PPP4R3A: variants seen among roughly 807,000 people sequenced by gnomAD.
The protein encoded by PPP4R3A is protein phosphatase 4 regulatory subunit 3A, also known as serine/threonine-protein phosphatase 4 regulatory subunit 3A.
A neutral mutation model predicts 91.7 loss-of-function variants in PPP4R3A; 15 were observed. That is an observed-to-expected ratio of 0.16 (90% CI 0.11 to 0.25). PPP4R3A has a LOEUF of 0.25. PPP4R3A is among the 10% of genes least tolerant of loss of function. PPP4R3A has a pLI of 1.00. For synonymous variants in PPP4R3A, 377 were observed against 348.7 expected, an observed-to-expected ratio of 1.08 and a Z score of -0.91; for missense variants, 623 against 998.4, an observed-to-expected ratio of 0.62 and a Z score of 5.07.
chr14:91,503,144 G>A (rs977617690), intron 1 of PPP4R3A, among the ~76,000 whole-genome samples: 5 of 152,086 alleles, frequency 3.3e-5, no homozygotes, highest in Non-Finnish European at 7.4e-5. Flanking sequence ...TGTGCCACAT[G>A]CCCAGCTAAT....
chr14:91,470,098 AAAATT>A (rs1366271297), intron 10 of PPP4R3A, among the ~76,000 whole-genome samples: 26 of 152,262 alleles, frequency 1.7e-4, no homozygotes, highest in African/African-American at 4.6e-4. Flanking sequence ...CCAAAGGGCA[AAAATT>A]AAATTACCAC....
intron 10 of PPP4R3A, 83 bp from the exon 11 acceptor site, chr14:91,465,502 C>A: frequency 3.1e-6 from 4 of 1,279,948 alleles, no homozygotes; most frequent in African/African-American, 1.5e-5. Context: ...ACCATCAAAC[C>A]AAAAAAAACT....
intron 13 of PPP4R3A, 102 bp downstream of exon 13, chr14:91,461,947 G>A: frequency 7.1e-7 from 1 of 1,407,228 alleles, no homozygotes; most frequent in Non-Finnish European, 9.2e-7. Flanking sequence ...TAAACCGTAT[G>A]CCATCACACC....
chr14:91,476,974 A>G lies in PPP4R3A; in HGVS notation c.928T>C (p.Phe310Leu). The G allele has an allele frequency of 6.2e-7, 1 of 1,600,944 alleles. No individual in the cohort carries two copies. The highest frequency in any genetic ancestry group is 8.5e-7 in the Non-Finnish European group (1 of 1,172,466). Residue 310 changes from phenylalanine to leucine, a missense_variant, in exon 5 of 15, where the codon TTT (phenylalanine) becomes CTT (leucine). By Grantham distance (22) the Phe-to-Leu change is conservative (BLOSUM62 0). Transcript: ENST00000554943. Reference sequence around the variant, plus strand: ...AGTTGTGCAAACAAATCTGTCAGAAATTTTTCATCTTCCTGTGAAACAAAG... The same window carrying G: ...AGTTGTGCAAACAAATCTGTCAGAAGTTTTTCATCTTCCTGTGAAACAAAG... ...IVGMLQEDEK[F>L]LTDLFAQLTD...
At chr14:91,487,021 CG>C (rs1889932714) in intron 2 of PPP4R3A, among the ~76,000 whole-genome samples, 1 of 151,570 alleles carries the variant, frequency 6.6e-6, no homozygotes, top group Admixed American at 6.6e-5. Flanking sequence ...CCAAGGCAGG[CG>C]GATCACCTGA....
At chr14:91,479,788 C>T (rs10146333) in intron 4 of PPP4R3A, among the ~76,000 whole-genome samples, 74,156 of 152,018 alleles carry the variant, frequency 0.49, 18,414 homozygotes, top group Admixed American at 0.53. Context: ...GTGATCCACC[C>T]GCCTTGGCCT....
intron 1 of PPP4R3A, among the ~76,000 whole-genome samples, chr14:91,504,119 C>G (rs1891128357): frequency 6.6e-6 from 1 of 151,214 alleles, no homozygotes; most frequent in African/African-American, 2.4e-5. Context: ...GAGTTCGAGA[C>G]CAGCCTGGGC....
At chr14:91,497,294 T>A (rs1482967910) in intron 1 of PPP4R3A, among the ~76,000 whole-genome samples, 1 of 151,412 alleles carries the variant, frequency 6.6e-6, no homozygotes, top group Non-Finnish European at 1.5e-5. Flanking sequence ...ACATCTATCC[T>A]CTCCAATGAA....
intron 1 of PPP4R3A, among the ~76,000 whole-genome samples, chr14:91,495,302 A>ATGTGTGTGTGTGTGTGTCTG (rs1555437568): frequency 2.8e-5 from 4 of 140,870 alleles, no homozygotes; most frequent in African/African-American, 1.1e-4. Flanking sequence ...CAGATACATA[A>ATGTGTGTGTGTGTGTGTCTG]TGTGTGTGTG....
At chr14:91,508,081 G>A (rs1410062360) in intron 1 of PPP4R3A, among the ~76,000 whole-genome samples, 3 of 152,208 alleles carry the variant, frequency 2.0e-5, no homozygotes, top group Non-Finnish European at 2.9e-5. Flanking sequence ...GAAAGATCTA[G>A]AGTAGGTTAT....
rs1891655609 is a variant in PPP4R3A, at chr14:91,509,665, G to A, written c.-18C>T. The A allele has an allele frequency of 6.3e-7, 1 of 1,589,166 alleles. No individual in the cohort carries two copies. Among genetic ancestry groups the A allele is most frequent in the South Asian group, 1.1e-5 (1 of 89,976 alleles). ...TCGGTCATCGTGCCGCCCGGGAACC[G>A]GGGCGGGGGCCCCGCCAGTAGACGC... is the stretch of plus-strand genomic sequence containing the variant. On this transcript the variant is annotated 5_prime_UTR_variant, in exon 1 of 15. Coordinates refer to ENST00000554943, the MANE Select transcript of PPP4R3A (RefSeq NM_001366432.2).
Position 91,509,826 on chromosome 14 carries a change from C to T in PPP4R3A, c.-179G>A. On this transcript the variant is annotated 5_prime_UTR_variant, in exon 1 of 15. Coordinates refer to ENST00000554943, the MANE Select transcript of PPP4R3A (RefSeq NM_001366432.2). Reference sequence around the variant, plus strand: ...TGCATGGCCCGCTCCAGGGACCGAGCTCTGGGCCGCCGCCTTTCCTCGCCT... The same window carrying T: ...TGCATGGCCCGCTCCAGGGACCGAGTTCTGGGCCGCCGCCTTTCCTCGCCT... The T allele has an allele frequency of 8.4e-7, 1 of 1,185,724 alleles. No individual in the cohort carries two copies. The highest frequency in any genetic ancestry group is 1.0e-6 in the Non-Finnish European group (1 of 961,254). 73.5% of individuals were successfully genotyped at this position (1,185,724 alleles called of 1,614,324 possible).
rs1888143979 is a variant in PPP4R3A at position 91,461,377 on chromosome 14, G to A, written c.2391+4C>T. 6.3e-7 allele frequency: 1 copy of A among 1,597,184 alleles called. No homozygotes were observed. Among genetic ancestry groups the A allele is most frequent in the South Asian group, 1.1e-5 (1 of 90,518 alleles). On this transcript the variant is annotated splice_donor_region_variant and intron_variant, in intron 14 of 14. Coordinates refer to ENST00000554943, the MANE Select transcript of PPP4R3A (RefSeq NM_001366432.2). ...AGGGGGCAAAATGGGAGTCAAGAATGTACCTTTGTAGTAATAGCTGCCGTC... is the reference window on the plus strand; with the variant it reads ...AGGGGGCAAAATGGGAGTCAAGAATATACCTTTGTAGTAATAGCTGCCGTC...
chr14:91,463,688 T>G (rs1262507343), intron 11 of PPP4R3A, among the ~76,000 whole-genome samples: 1 of 150,028 alleles, frequency 6.7e-6, no homozygotes, highest in African/African-American at 2.5e-5. Context: ...ATCCTCCCAC[T>G]TTGGCCTGCC....
chr14:91,473,154 T>G lies in PPP4R3A; in HGVS notation c.1399-19A>C. 6.2e-7 allele frequency: 1 copy of G among 1,613,756 alleles called. No homozygotes were observed. Among genetic ancestry groups the G allele is most frequent in the Non-Finnish European group, 8.5e-7 (1 of 1,179,858 alleles). On this transcript the variant is annotated intron_variant, in intron 8 of 14. Coordinates refer to ENST00000554943, the MANE Select transcript of PPP4R3A (RefSeq NM_001366432.2). ...CTGTTTTCTAAGGAAACAAGAACAA[T>G]TCCATGAACTTTAACCACACTGGTT...
Position 91,462,029 on chromosome 14 carries a change from C to A in PPP4R3A, c.2164+20G>T. 2 of 1,482,400 alleles carry A rather than the reference C, an allele frequency of 1.3e-6. No individual in the cohort carries two copies. The highest frequency in any genetic ancestry group is 9.0e-7 in the Non-Finnish European group (1 of 1,117,272). The allele number at this position is 1,482,400 out of a possible 1,614,324, so 91.8% of individuals were successfully genotyped here. A position where few individuals can be genotyped will look rare whatever the true frequency, so the allele number is the denominator to read the frequency against. ...GTAAGAAAGCCTTAATTTTCTCTTG[C>A]CCATTTTTTTCCAACATACATTTCT... On this transcript the variant is annotated intron_variant, in intron 13 of 14. Coordinates refer to ENST00000554943, the MANE Select transcript of PPP4R3A (RefSeq NM_001366432.2).
chr14:91,509,064 C>T (rs1891592815), intron 1 of PPP4R3A, among the ~76,000 whole-genome samples: 1 of 152,214 alleles, frequency 6.6e-6, no homozygotes, highest in Non-Finnish European at 1.5e-5. Flanking sequence ...GCAAAACGTT[C>T]TTCAAAGTGT....
chr14:91,486,821 T>C (rs967082337), intron 2 of PPP4R3A, among the ~76,000 whole-genome samples: 1 of 150,496 alleles, frequency 6.6e-6, no homozygotes, highest in Admixed American at 6.6e-5. Context: ...GGAGAACTGC[T>C]TGAACCCAGG....
At chr14:91,475,997 A>T in intron 6 of PPP4R3A, 31 bp from the exon 7 acceptor site, 3 of 1,511,366 alleles carry the variant, frequency 2.0e-6, no homozygotes, top group Non-Finnish European at 2.6e-6. Flanking sequence ...TTTTTCCTGT[A>T]TTTATAAAAA....
Sources: allele counts gnomAD v4.1 joint callset (sites outside exome capture counted in the v4.1 genomes callset), GRCh38; gene constraint gnomAD v4.1.1; transcripts MANE v1.5; gene names NCBI Gene and HGNC (gene_info 2026-07-23, HGNC 2026-07-21).